The following SCAF8 variants were observed in gnomAD, a reference collection of about 807,000 sequenced individuals.
SCAF8 encodes the protein SR-related CTD associated factor 8.
In SCAF8, 23 loss-of-function variants were observed where a neutral mutation model predicts 140.5. The observed-to-expected ratio is 0.16, with a 90% CI of 0.12 to 0.23. The LOEUF (loss-of-function observed/expected upper bound fraction) is 0.23, where lower values mean the gene tolerates loss of function less well. Among genes scored for constraint, SCAF8 ranks in the 10% least tolerant of loss-of-function variants. The pLI, the probability that SCAF8 is intolerant of heterozygous loss-of-function variation, is 1.00. For synonymous variants in SCAF8, 575 were observed against 528.9 expected, an observed-to-expected ratio of 1.09 and a Z score of -1.20; for missense variants, 1,397 against 1,555.7, an observed-to-expected ratio of 0.90 and a Z score of 1.72.
At chr6:154,817,553 T>C (rs1778290071) in intron 13 of SCAF8, among the ~76,000 whole-genome samples, 1 of 152,190 alleles carries the variant, frequency 6.6e-6, no homozygotes, top group Admixed American at 6.5e-5. Context: ...AGTAAAGTAT[T>C]TTCCAGTGGG....
chr6:154,779,031 GTTTTTT>G (rs1202174398), intron 3 of SCAF8, among the ~76,000 whole-genome samples: 1 of 151,630 alleles, frequency 6.6e-6, no homozygotes, highest in South Asian at 2.1e-4. Context: ...TTTTGTTTTG[GTTTTTT>G]TGTTTTTGTT....
chr6:154,777,218 A>G (rs1365219678), intron 2 of SCAF8, among the ~76,000 whole-genome samples: 2 of 152,112 alleles, frequency 1.3e-5, no homozygotes, highest in Non-Finnish European at 1.5e-5. Flanking sequence ...GAGAAGCACA[A>G]TTCAGGTTCT....
At chr6:154,778,768 A>AT (rs201081536) in intron 3 of SCAF8, among the ~76,000 whole-genome samples, 1 of 117,470 alleles carries the variant, frequency 8.5e-6, no homozygotes, top group South Asian at 3.0e-4. Context: ...TGTCTCAAAA[A>AT]ATGTGTGTGT....
rs528588024 is a variant in SCAF8, at chr6:154,833,212, G to A, written c.3633G>A (p.Val1211=). Residue 1211 remains valine (V), a synonymous_variant, in exon 20 of 20, where the codon GTG becomes GTA. Coordinates refer to ENST00000367178, the MANE Select transcript of SCAF8 (RefSeq NM_014892.5). ...GATSQRKGDN[V]PQVNGENTER... The stretch of plus-strand genomic sequence containing the variant: ...CTTCTCAACGAAAAGGTGATAATGT[G>A]CCTCAGGTTAATGGTGAAAATACAG... The A allele has an allele frequency of 1.2e-6, 2 of 1,614,050 alleles. No individual in the cohort carries two copies. Among genetic ancestry groups the A allele is most frequent in the East Asian group, 2.2e-5 (1 of 44,862 alleles).
At chr6:154,787,821 T>G (rs755508020) in intron 3 of SCAF8, 40 bp from the exon 4 acceptor site, 13 of 1,555,108 alleles carry the variant, frequency 8.4e-6, no homozygotes, top group Non-Finnish European at 1.1e-5. Context: ...AATTTTACCT[T>G]TCCGTTTCCT....
chr6:154,784,209 A>G (rs1777184623), intron 3 of SCAF8, among the ~76,000 whole-genome samples: 1 of 145,616 alleles, frequency 6.9e-6, no homozygotes, highest in South Asian at 2.1e-4. Context: ...CTGGACTTTT[A>G]TCATGAGTAT....
Position 154,822,334 on chromosome 6 carries a change from C to G in SCAF8, c.1851C>G (p.Ser617Arg). The G allele has an allele frequency of 1.2e-6, 2 of 1,613,718 alleles. No individual in the cohort carries two copies. The highest frequency in any genetic ancestry group is 1.7e-6 in the Non-Finnish European group (2 of 1,179,724). ...PVKETVQTTQ[S>R]PTPVEKETVV... ...AAGAGACGGTCCAGACAACTCAGAG[C>G]CCAACTCCAGTTGAAAAGGAGACAG... is the stretch of plus-strand genomic sequence containing the variant. The change falls in exon 16 of 20, where the codon AGC (serine) becomes AGG (arginine). Residue 617 changes from serine (S) to arginine (R), a missense_variant. Around this residue, in one of 5 missense-constraint regions of SCAF8, gnomAD observed 930 missense variants for 874.6 expected, o/e 1.06. Coordinates refer to ENST00000367178, the MANE Select transcript of SCAF8 (RefSeq NM_014892.5).
intron 13 of SCAF8, among the ~76,000 whole-genome samples, chr6:154,817,866 A>G (rs1032692472): frequency 3.9e-5 from 6 of 152,212 alleles, no homozygotes; most frequent in African/African-American, 1.2e-4. Context: ...TAAATGCTTT[A>G]TAAATCAGTC....
At chr6:154,804,700 ACT>A (rs1491578198) in intron 8 of SCAF8, among the ~76,000 whole-genome samples, 2 of 152,080 alleles carry the variant, frequency 1.3e-5, no homozygotes, top group Non-Finnish European at 2.9e-5. Flanking sequence ...GATGAAGTAC[ACT>A]TTTTTCCAAC....
At chr6:154,739,751 A>G (rs926669778) in intron 1 of SCAF8, among the ~76,000 whole-genome samples, 22 of 152,300 alleles carry the variant, frequency 1.4e-4, no homozygotes, top group Admixed American at 1.4e-3. Flanking sequence ...TGTTCTATAA[A>G]GTGAACTCCC....
chr6:154,746,121 A>G (rs886570785), intron 1 of SCAF8, among the ~76,000 whole-genome samples: 5 of 152,138 alleles, frequency 3.3e-5, no homozygotes, highest in South Asian at 4.1e-4. Context: ...CCTGGCCTCA[A>G]GTGATCCATC....
rs781006863 is a variant in SCAF8, at chr6:154,832,161, G to C, written c.2582G>C (p.Ser861Thr). Residue 861 changes from serine (S) to threonine (T), a missense_variant, in exon 20 of 20, where the codon AGT becomes ACT. Coordinates refer to ENST00000367178, the MANE Select transcript of SCAF8 (RefSeq NM_014892.5). ...NSGILGIQPP[S>T]VSNSSGLLGV... ...GGAATATTGGGAATACAGCCACCCAGTGTGTCAAATAGTTCTGGACTTTTG... is the reference window on the plus strand; with the variant it reads ...GGAATATTGGGAATACAGCCACCCACTGTGTCAAATAGTTCTGGACTTTTG... 6 of 1,614,098 alleles carry C rather than the reference G, an allele frequency of 3.7e-6. No homozygotes were observed. Among genetic ancestry groups the C allele is most frequent in the African/African-American group, 1.3e-5 (1 of 75,028 alleles).
intron 10 of SCAF8, 133 bp from the exon 11 acceptor site, chr6:154,808,553 A>C: frequency 3.2e-6 from 2 of 619,180 alleles, no homozygotes; most frequent in South Asian, 4.3e-5. Flanking sequence ...GGCCCAGGGA[A>C]GCCAAAAGAT....
At chr6:154,748,492 T>G (rs1360155433) in intron 1 of SCAF8, among the ~76,000 whole-genome samples, 2 of 152,192 alleles carry the variant, frequency 1.3e-5, no homozygotes, top group African/African-American at 2.4e-5. Flanking sequence ...TGAGCACCTT[T>G]GAATAAAAAT....
intron 1 of SCAF8, among the ~76,000 whole-genome samples, chr6:154,770,245 G>A (rs1331510038): frequency 1.3e-5 from 2 of 151,980 alleles, no homozygotes; most frequent in East Asian, 3.9e-4. Flanking sequence ...CTTGAGCCCA[G>A]GAGTGTAAGA....
At chr6:154,788,519 C>T (rs1201479128) in intron 4 of SCAF8, among the ~76,000 whole-genome samples, 1 of 152,110 alleles carries the variant, frequency 6.6e-6, no homozygotes, top group Non-Finnish European at 1.5e-5. Context: ...ATTTCTCAAA[C>T]AGAGAGTATA....
At chr6:154,799,327 G>C (rs1355581231) in intron 6 of SCAF8, among the ~76,000 whole-genome samples, 1 of 150,986 alleles carries the variant, frequency 6.6e-6, no homozygotes, top group Non-Finnish European at 1.5e-5. Flanking sequence ...TGCCCAGGCT[G>C]GTCTCAGACT....
rs535675048 is a variant in SCAF8, at chr6:154,819,798, G to C, written c.1636-379G>C. Among the ~76,000 whole-genome samples, 12 of 152,296 alleles carry C rather than the reference G, an allele frequency of 7.9e-5. No individual in the cohort carries two copies. The East Asian group carries it at 2.3e-3, about 29-fold the overall frequency. ...AGGCACAGTGGCTCACACCTGTCCA[G>C]CACTTAAGGACAACCCCTGTCTCTA... is the stretch of plus-strand genomic sequence containing the variant. On this transcript the variant is annotated intron_variant, in intron 14 of 19. Coordinates refer to ENST00000367178, the MANE Select transcript of SCAF8 (RefSeq NM_014892.5).
intron 6 of SCAF8, among the ~76,000 whole-genome samples, chr6:154,796,533 T>C (rs2114888062): frequency 6.6e-6 from 1 of 152,330 alleles, no homozygotes; most frequent in African/African-American, 2.4e-5. Flanking sequence ...GATGGGTTCC[T>C]AGTTTTTATC....
Sources: allele counts gnomAD v4.1 joint callset (sites outside exome capture counted in the v4.1 genomes callset), GRCh38; gene constraint gnomAD v4.1.1; regional missense constraint gnomAD v4.1.1; transcripts MANE v1.5; gene names NCBI Gene and HGNC (gene_info 2026-07-23, HGNC 2026-07-21).